Variants in MEGF6 observed in about 807,000 individuals in gnomAD.
MEGF6 encodes multiple epidermal growth factor-like domains protein 6.
MEGF6 carries 184 observed loss-of-function variants against 207.1 expected under a neutral mutation model. The ratio of observed to expected loss-of-function variants is 0.89; its 90% CI spans 0.79 to 1.00. The LOEUF (loss-of-function observed/expected upper bound fraction) is 1.00. MEGF6 is among the 50% of genes least tolerant of loss of function. MEGF6 has a pLI of 0.00. For synonymous variants in MEGF6, 1,038 were observed against 910.0 expected (o/e 1.14, Z -2.53); for missense variants, 2,282 against 2,202.9 (o/e 1.04, Z -0.72).
In MEGF6 at chr1:3,505,314, C is replaced by A; in HGVS notation, c.2082G>T (p.Gly694=). The A allele has an allele frequency of 6.2e-7, 1 of 1,611,914 alleles. No homozygotes were observed. Among genetic ancestry groups the A allele is most frequent in the Non-Finnish European group, 8.5e-7 (1 of 1,179,530 alleles). The change falls in exon 17 of 37, where the codon GGG becomes GGT. Residue 694 remains glycine (G), a synonymous_variant. Transcript: ENST00000356575. ...CTGGGCAGGTGCATGCCTGCCAGCACCCCGGCCCAAAGTAGCCCAGCTCAC... is the reference window on the plus strand; with the variant it reads ...CTGGGCAGGTGCATGCCTGCCAGCAACCCGGCCCAAAGTAGCCCAGCTCAC... ...AECELGYFGP[G]CWQACTCPVG... is the part of the protein sequence containing the mutation.
chr1:3,490,641 G>C (rs775825951), intron 36 of MEGF6, 52 bp from the exon 37 acceptor site: 1 of 1,587,202 alleles, frequency 6.3e-7, no homozygotes, highest in Non-Finnish European at 8.6e-7. Flanking sequence ...GGTGCTCCCA[G>C]AACAGACTGG....
intron 3 of MEGF6, among the ~76,000 whole-genome samples, chr1:3,590,020 G>A (rs1003953739): frequency 1.3e-5 from 2 of 152,224 alleles, no homozygotes; most frequent in African/African-American, 2.4e-5. Context: ...CCATGGAGCT[G>A]GTGCAGCTCC....
chr1:3,541,325 G>C lies in MEGF6; in HGVS notation c.482-17079C>G, dbSNP rs537824135. ...CATGACCACTCTTCCGGTTCAGCAA[G>C]AGCACATCGTCCCAGGAAGCAACAA... On this transcript the variant is annotated intron_variant, in intron 4 of 36. Coordinates refer to ENST00000356575, the MANE Select transcript of MEGF6 (RefSeq NM_001409.4). Among the ~76,000 whole-genome samples the C allele has an allele frequency of 1.1e-3, 161 of 152,348 alleles. 1 individual carries two copies. Among genetic ancestry groups the C allele is most frequent in the African/African-American group, 3.6e-3 (150 of 41,586 alleles).
chr1:3,599,732 C>T (rs1292006591), intron 2 of MEGF6, among the ~76,000 whole-genome samples: 4 of 152,176 alleles, frequency 2.6e-5, no homozygotes, highest in South Asian at 2.1e-4. Context: ...GAGGGGCGTG[C>T]GTGGTGCCCT....
intron 14 of MEGF6, 127 bp from the exon 15 acceptor site, chr1:3,506,363 C>A: frequency 8.2e-7 from 1 of 1,216,098 alleles, no homozygotes; most frequent in Middle Eastern, 2.8e-4. Flanking sequence ...CCCGCCAGGG[C>A]ACTAGGTGAG....
chr1:3,490,613 C>T (rs1185792163), intron 36 of MEGF6, 24 bp from the exon 37 acceptor site: 2 of 1,611,138 alleles, frequency 1.2e-6, no homozygotes, highest in Admixed American at 3.4e-5. Flanking sequence ...GAAAAGAGGG[C>T]CAGTCCAGGG....
intron 5 of MEGF6, among the ~76,000 whole-genome samples, chr1:3,517,137 CCT>C (rs778089822): frequency 3.7e-4 from 56 of 152,344 alleles, no homozygotes; most frequent in Admixed American, 3.3e-4. Context: ...CAACAGCACC[CCT>C]GTCTGGAACA....
chr1:3,564,931 G>GGCC (rs1284381202), intron 4 of MEGF6, among the ~76,000 whole-genome samples: 1 of 152,096 alleles, frequency 6.6e-6, no homozygotes, highest in Non-Finnish European at 1.5e-5. Flanking sequence ...CATTTTCCAT[G>GGCC]GCCCCGCTCC....
intron 4 of MEGF6, among the ~76,000 whole-genome samples, chr1:3,571,604 G>C (rs558297701): frequency 6.6e-6 from 1 of 151,868 alleles, no homozygotes; most frequent in African/African-American, 2.4e-5. Flanking sequence ...TGCATATGCT[G>C]GGTCATTTCC....
Position 3,491,584 on chromosome 1 carries a change from A to AT in MEGF6, c.4517-626dup, listed in dbSNP as rs374698748. On this transcript the variant is annotated intron_variant, in intron 35 of 36. Transcript: ENST00000356575. ...TGCACACATACACAAAGTCAAGACT[A>AT]TTTGGGGGCCTCCAAGCGGAGGACC... is the stretch of plus-strand genomic sequence containing the variant. 2.1e-3 allele frequency among the ~76,000 whole-genome samples: 316 copies of AT among 152,176 alleles called. 1 individual carries two copies. Among genetic ancestry groups the AT allele is most frequent in the African/African-American group, 7.2e-3 (299 of 41,528 alleles).
At chr1:3,528,147 G>A (rs1379809002) in intron 4 of MEGF6, among the ~76,000 whole-genome samples, 3 of 152,238 alleles carry the variant, frequency 2.0e-5, no homozygotes, top group Admixed American at 6.5e-5. Flanking sequence ...CCACTTGGAC[G>A]ACAGAGGCCT....
At chr1:3,583,220 C>A (rs1350284114) in intron 3 of MEGF6, among the ~76,000 whole-genome samples, 2 of 152,170 alleles carry the variant, frequency 1.3e-5, no homozygotes, top group African/African-American at 2.4e-5. Context: ...CTGGTAGACA[C>A]CCCCATGCCG....
chr1:3,493,942 C>T, intron 33 of MEGF6, 43 bp from the exon 34 acceptor site: 2 of 1,582,026 alleles, frequency 1.3e-6, no homozygotes, highest in Non-Finnish European at 1.7e-6. Context: ...CTGTCCTGCA[C>T]CCAGACGGGA....
At chr1:3,541,304 A>G (rs922735531) in intron 4 of MEGF6, among the ~76,000 whole-genome samples, 14 of 152,274 alleles carry the variant, frequency 9.2e-5, no homozygotes, top group African/African-American at 3.4e-4. Context: ...GGCCACCATG[A>G]CCACTCTTCC....
At position 3,563,174 on chromosome 1, in the gene MEGF6, G is replaced by A. The variant is rs79461994; in HGVS notation, c.481+16651C>T. ...CCCCTCACAGTGAGTCACACACATC[G>A]CACATGCACCTTGTAGGTAGCCTGT... On this transcript the variant is annotated intron_variant, in intron 4 of 36. Transcript: ENST00000356575. Among the ~76,000 whole-genome samples the A allele has an allele frequency of 8.4e-3, 1,274 of 152,210 alleles. 20 individuals carry two copies. Among genetic ancestry groups the A allele is most frequent in the African/African-American group, 0.028 (1,177 of 41,520 alleles).
In MEGF6 at chr1:3,538,745, T is replaced by TGTGTGTGA. The variant is rs57713922; in HGVS notation, c.482-14500_482-14499insTCACACAC. On this transcript the variant is annotated intron_variant, in intron 4 of 36. Transcript: ENST00000356575. ...GTGTGTGTGTGTGTGTGTGTGTGTG[T>TGTGTGTGA]CCGCGCTGTCTGTGGGTTCTCTGTT... 1.4e-3 allele frequency among the ~76,000 whole-genome samples: 183 copies of TGTGTGTGA among 126,508 alleles called. 5 individuals carry two copies. Among genetic ancestry groups the TGTGTGTGA allele is most frequent in the East Asian group, 0.011 (49 of 4,268 alleles). The allele number at this position is 126,508 out of a possible 152,430, so 83.0% of individuals were successfully genotyped here.
Position 3,611,123 on chromosome 1 carries a change from G to A in MEGF6, c.131+15C>T. The A allele has an allele frequency of 6.7e-7, 1 of 1,496,804 alleles. No homozygotes were observed. 92.7% of individuals were successfully genotyped at this position (1,496,804 alleles called of 1,614,324 possible). A position where few individuals can be genotyped will look rare whatever the true frequency, so the allele number is the denominator to read the frequency against. On this transcript the variant is annotated intron_variant, in intron 1 of 36. Coordinates refer to ENST00000356575, the MANE Select transcript of MEGF6 (RefSeq NM_001409.4). ...CTGGACGACCGGCCGAGCCCTCCCA[G>A]CTCCTGCTACTCACATGCCGGGCTG...
chr1:3,563,238 G>A (rs559840372), intron 4 of MEGF6, among the ~76,000 whole-genome samples: 19 of 152,240 alleles, frequency 1.2e-4, no homozygotes, highest in African/African-American at 2.9e-4. Flanking sequence ...ATGGTTTCCC[G>A]GGGTCCAAGC....
chr1:3,537,903 C>G (rs563209914), intron 4 of MEGF6, among the ~76,000 whole-genome samples: 98 of 152,286 alleles, frequency 6.4e-4, no homozygotes, highest in Admixed American at 1.7e-3. Flanking sequence ...CTGGGAGGGG[C>G]TGGGACCAGG....
Sources: allele counts gnomAD v4.1 joint callset (sites outside exome capture counted in the v4.1 genomes callset), GRCh38; gene constraint gnomAD v4.1.1; transcripts MANE v1.5; gene names NCBI Gene and HGNC (gene_info 2026-07-23, HGNC 2026-07-21).